The following AFG1L variants were observed in gnomAD, a reference collection of about 807,000 sequenced individuals.
The protein encoded by AFG1L is AFG1-like ATPase.
AFG1L carries 53 observed loss-of-function variants against 62.2 expected under a neutral mutation model. The observed-to-expected ratio is 0.85, with a 90% CI of 0.68 to 1.07. The LOEUF (loss-of-function observed/expected upper bound fraction) is 1.07. Ranked by LOEUF, AFG1L falls within the 50% of genes least tolerant of loss-of-function variation. The probability of loss-of-function intolerance (pLI) is 0.00; values close to 1 mark genes in which losing one functional copy is unlikely to be tolerated. For missense variants in AFG1L, 555 were observed against 590.5 expected, an observed-to-expected ratio of 0.94 and a Z score of 0.62; for synonymous variants, 228 against 210.3, an observed-to-expected ratio of 1.08 and a Z score of -0.73.
chr6:108,373,105 G>C (rs1024121075), intron 6 of AFG1L, among the ~76,000 whole-genome samples: 2 of 152,088 alleles, frequency 1.3e-5, no homozygotes, highest in Non-Finnish European at 2.9e-5. Context: ...ATTGCATGAT[G>C]CTGAAGTTTG....
chr6:108,449,634 G>A (rs1439244083), intron 8 of AFG1L, among the ~76,000 whole-genome samples: 2 of 152,054 alleles, frequency 1.3e-5, no homozygotes, highest in South Asian at 2.1e-4. Context: ...AACTTTTAGG[G>A]TACATGTGCA....
At chr6:108,496,241 G>A (rs1773971205) in intron 10 of AFG1L, among the ~76,000 whole-genome samples, 1 of 152,238 alleles carries the variant, frequency 6.6e-6, no homozygotes, top group Admixed American at 6.5e-5. Flanking sequence ...GGTCAAAGGA[G>A]TAGAGAAATG....
chr6:108,361,446 C>CAG (rs141482102), intron 5 of AFG1L, among the ~76,000 whole-genome samples: 5 of 151,858 alleles, frequency 3.3e-5, no homozygotes, highest in Admixed American at 1.3e-4. Context: ...AAGAGTCAGG[C>CAG]AGAGAGAGAG....
At chr6:108,500,299 C>T (rs1049966278) in intron 10 of AFG1L, among the ~76,000 whole-genome samples, 27 of 151,122 alleles carry the variant, frequency 1.8e-4, no homozygotes, top group Admixed American at 7.3e-4. Context: ...CGTGCCCAGC[C>T]GATATATTTC....
intron 5 of AFG1L, among the ~76,000 whole-genome samples, chr6:108,360,160 G>A (rs936332774): frequency 6.6e-6 from 1 of 152,098 alleles, no homozygotes; most frequent in African/African-American, 2.4e-5. Context: ...GTACTCTAAC[G>A]GGGAAATATT....
intron 6 of AFG1L, among the ~76,000 whole-genome samples, chr6:108,389,088 G>C (rs199764002): frequency 2.0e-5 from 3 of 152,118 alleles, no homozygotes; most frequent in Non-Finnish European, 2.9e-5. Flanking sequence ...ATATTTAGGA[G>C]AGTTAGCTCT....
intron 5 of AFG1L, among the ~76,000 whole-genome samples, chr6:108,361,152 G>T (rs1381535144): frequency 6.6e-6 from 1 of 152,236 alleles, no homozygotes; most frequent in Non-Finnish European, 1.5e-5. Context: ...CAGGAAACTT[G>T]TTTATACTGG....
chr6:108,467,943 A>C (rs748814114), intron 8 of AFG1L, among the ~76,000 whole-genome samples: 20 of 152,218 alleles, frequency 1.3e-4, no homozygotes, highest in Non-Finnish European at 2.6e-4. Flanking sequence ...AGAAGACTGC[A>C]GGTTTTCTAC....
chr6:108,417,537 A>T (rs1039086934), intron 7 of AFG1L, among the ~76,000 whole-genome samples: 1 of 152,144 alleles, frequency 6.6e-6, no homozygotes, highest in Non-Finnish European at 1.5e-5. Flanking sequence ...GAGAAAAATA[A>T]TTTTCATAAA....
At chr6:108,402,120 G>T in intron 7 of AFG1L, 66 bp downstream of exon 7, 3 of 789,904 alleles carry the variant, frequency 3.8e-6, no homozygotes, top group Non-Finnish European at 5.9e-6. Flanking sequence ...GGCTTTAGTA[G>T]GATTGTCTTA....
chr6:108,387,249 G>A (rs1277324391), intron 6 of AFG1L, among the ~76,000 whole-genome samples: 4 of 152,242 alleles, frequency 2.6e-5, no homozygotes, highest in African/African-American at 9.6e-5. Flanking sequence ...GGATTCTGAG[G>A]TGGATGGGGA....
intron 2 of AFG1L, among the ~76,000 whole-genome samples, chr6:108,340,658 G>A (rs556117304): frequency 2.0e-5 from 3 of 152,244 alleles, no homozygotes; most frequent in Non-Finnish European, 2.9e-5. Context: ...AGCTTTATAA[G>A]CTGTTGATAA....
chr6:108,383,430 C>T (rs1317215728), intron 6 of AFG1L, among the ~76,000 whole-genome samples: 1 of 151,910 alleles, frequency 6.6e-6, no homozygotes, highest in Non-Finnish European at 1.5e-5. Context: ...AACTGATTTA[C>T]TGAGATCAGC....
At chr6:108,428,610 C>A (rs768841045) in intron 7 of AFG1L, among the ~76,000 whole-genome samples, 2 of 152,120 alleles carry the variant, frequency 1.3e-5, no homozygotes, top group Admixed American at 6.6e-5. Flanking sequence ...ACACTGACAT[C>A]TATTGTTTTT....
intron 2 of AFG1L, among the ~76,000 whole-genome samples, chr6:108,332,588 T>C (rs1778314177): frequency 6.6e-6 from 1 of 151,994 alleles, no homozygotes; most frequent in Admixed American, 6.6e-5. Context: ...TATAGAGGAG[T>C]AACTTTGTGA....
Position 108,329,245 on chromosome 6 carries a change from A to G in AFG1L, c.363+5197A>G, listed in dbSNP as rs915982780. Among the ~76,000 whole-genome samples the G allele has an allele frequency of 9.9e-5, 15 of 151,928 alleles. No individual in the cohort carries two copies. In the East Asian group the frequency reaches 2.7e-3, roughly 28 times the overall value. On this transcript the variant is annotated intron_variant, in intron 2 of 12. Coordinates refer to ENST00000368977, the MANE Select transcript of AFG1L (RefSeq NM_145315.5). ...ATGAGCCACCGCTCTTGGCCCTTAT[A>G]GTTTCCTAAACCCACTAAATCTTTA...
At chr6:108,487,802 TG>T (rs1466057679) in intron 10 of AFG1L, among the ~76,000 whole-genome samples, 1 of 152,228 alleles carries the variant, frequency 6.6e-6, no homozygotes, top group African/African-American at 2.4e-5. Context: ...GACAGACTGA[TG>T]CCTAATGAGA....
chr6:108,492,838 A>G (rs1000067180), intron 10 of AFG1L, among the ~76,000 whole-genome samples: 1 of 152,138 alleles, frequency 6.6e-6, no homozygotes, highest in African/African-American at 2.4e-5. Flanking sequence ...ATGACTTTAA[A>G]GGGTGAATTG....
At chr6:108,507,611 C>T (rs1388058383) in intron 10 of AFG1L, among the ~76,000 whole-genome samples, 2 of 152,206 alleles carry the variant, frequency 1.3e-5, no homozygotes, top group Non-Finnish European at 2.9e-5. Context: ...ATAGAAATCA[C>T]ATCCATGCAT....
Sources: gnomAD v4.1 joint callset for allele counts (sites outside exome capture counted in the v4.1 genomes callset) on GRCh38, gnomAD v4.1.1 for gene constraint, MANE v1.5 for transcripts, NCBI Gene and HGNC (gene_info 2026-07-23, HGNC 2026-07-21) for gene names.